CHAF1A: variants seen among roughly 807,000 people sequenced by gnomAD.
CHAF1A encodes the protein chromatin assembly factor 1 subunit A, also known as CAF-1 subunit A.
In CHAF1A, 5 loss-of-function variants were observed where a neutral mutation model predicts 93.2. The ratio of observed to expected loss-of-function variants is 0.05; its 90% confidence interval spans 0.03 to 0.11. CHAF1A has a LOEUF of 0.11. CHAF1A is among the 10% of genes least tolerant of loss of function. CHAF1A has a pLI of 1.00. For synonymous variants in CHAF1A, 504 were observed against 510.3 expected (o/e 0.99, Z 0.17); for missense variants, 1,102 against 1,259.9 (o/e 0.87, Z 1.90).
downstream of CHAF1A, chr19:4,446,924 G>T (rs371480940): frequency 6.2e-7 from 1 of 1,613,546 alleles, no homozygotes; most frequent in Non-Finnish European, 8.5e-7. Context: ...TGCGCTCCTG[G>T]GGGTGGAGAT....
chr19:4,429,870 GC>G, intron 10 of CHAF1A, 82 bp downstream of exon 10: 1 of 1,241,476 alleles, frequency 8.1e-7, no homozygotes, highest in Non-Finnish European at 1.1e-6. Context: ...TAAGGATGCA[GC>G]CCAGCTGTGT....
At position 4,432,029 on chromosome 19, in the gene CHAF1A, G is replaced by A. The variant is rs1328289024; in HGVS notation, c.2025G>A (p.Gly675=). 1 of 1,614,062 alleles carries A rather than the reference G, an allele frequency of 6.2e-7. No homozygotes were observed. The highest frequency in any genetic ancestry group is 8.5e-7 in the Non-Finnish European group (1 of 1,180,038). The change falls in exon 12 of 15, where the codon GGG becomes GGA. Residue 675 remains glycine, a synonymous_variant. Transcript: ENST00000301280. ...AGTGGGACGAGTTCCTGGCTAAGGG[G>A]AAGCGCTTTCGCGTCCTGCAACCTG... is the stretch of plus-strand genomic sequence containing the variant. ...AKEWDEFLAK[G]KRFRVLQPVK... is the part of the protein sequence containing the mutation.
Position 4,429,479 on chromosome 19 carries a change from C to A in CHAF1A, c.1646C>A (p.Pro549His), listed in dbSNP as rs759946376. ...IVERGKGDGV[P>H]ERRKFGRMKL... Reference sequence around the variant, plus strand: ...GAGCGTGGGAAGGGCGACGGTGTTCCCGAGAGGAGGAAGTTTGGCAGGATG... The same window carrying A: ...GAGCGTGGGAAGGGCGACGGTGTTCACGAGAGGAGGAAGTTTGGCAGGATG... The change falls in exon 9 of 15, where the codon CCC (proline) becomes CAC (histidine). Residue 549 changes from proline to histidine, a missense_variant. Pro to His is a moderately conservative substitution (Grantham distance 77). Around this residue, in one of 6 missense-constraint regions of CHAF1A, gnomAD observed 335 missense variants for 361.9 expected, o/e 0.93. Transcript: ENST00000301280. 1 of 1,613,912 alleles carries A rather than the reference C, an allele frequency of 6.2e-7. No homozygotes were observed. Among genetic ancestry groups the A allele is most frequent in the East Asian group, 2.2e-5 (1 of 44,860 alleles).
chr19:4,410,338 C>G (rs1973771609), intron 3 of CHAF1A, among the ~76,000 whole-genome samples: 1 of 150,346 alleles, frequency 6.7e-6, no homozygotes, highest in African/African-American at 2.4e-5. Flanking sequence ...AAGATCACTT[C>G]AAAACCAACC....
Position 4,429,521 on chromosome 19 carries a change from G to C in CHAF1A, c.1688G>C (p.Cys563Ser). ...KFGRMKLLQF[C>S]ENHRPAYWGT... ...GGCAGGATGAAGCTCCTGCAGTTCT[G>C]TGAGAACCACCGGCCTGCCTACTGG... is the stretch of plus-strand genomic sequence containing the variant. Residue 563 changes from cysteine (C) to serine (S), a missense_variant, in exon 9 of 15, where the codon TGT becomes TCT. Cys to Ser is a moderately radical substitution (Grantham distance 112). This residue lies in a region of CHAF1A where 335 missense variants were observed against 361.9 expected (regional missense o/e 0.93). Transcript: ENST00000301280. The C allele has an allele frequency of 6.2e-7, 1 of 1,614,014 alleles. No individual in the cohort carries two copies. The highest frequency in any genetic ancestry group is 1.1e-5 in the South Asian group (1 of 91,054).
chr19:4,446,237 C>T (rs1275586864), downstream of CHAF1A: 4 of 1,572,714 alleles, frequency 2.5e-6, no homozygotes, highest in Admixed American at 1.8e-5. Flanking sequence ...GGCCCAGGGC[C>T]CCCTACCAAC....
intron 7 of CHAF1A, 29 bp downstream of exon 7, chr19:4,423,903 G>A (rs375812385): frequency 6.2e-7 from 1 of 1,603,142 alleles, no homozygotes; most frequent in African/African-American, 1.3e-5. Context: ...TTGCTTTTGG[G>A]TTTCAGCTCT....
intron 3 of CHAF1A, among the ~76,000 whole-genome samples, chr19:4,416,661 G>A (rs924789096): frequency 4.3e-4 from 65 of 152,020 alleles, no homozygotes; most frequent in Admixed American, 3.3e-4. Flanking sequence ...GAGGCGAGGC[G>A]GGTGGATCAC....
intron 1 of CHAF1A, among the ~76,000 whole-genome samples, chr19:4,403,231 G>GT (rs58164629): frequency 0.33 from 49,984 of 151,980 alleles, 8,686 homozygotes; most frequent in East Asian, 0.59. Context: ...TCGGGGACCA[G>GT]TACCGATGCC....
downstream of CHAF1A, among the ~76,000 whole-genome samples, chr19:4,444,307 C>G (rs374895392): frequency 6.6e-6 from 1 of 152,134 alleles, no homozygotes; most frequent in Non-Finnish European, 1.5e-5. Context: ...GCAGTGGGGC[C>G]GGGGCACACA....
At chr19:4,428,119 A>C (rs1196651655) in intron 7 of CHAF1A, among the ~76,000 whole-genome samples, 2 of 150,374 alleles carry the variant, frequency 1.3e-5, no homozygotes, top group Non-Finnish European at 3.0e-5. Flanking sequence ...CCGCCTCCCA[A>C]AATGGTGGGA....
At chr19:4,437,677 G>A (rs1974309968) in intron 13 of CHAF1A, among the ~76,000 whole-genome samples, 1 of 152,074 alleles carries the variant, frequency 6.6e-6, no homozygotes, top group Admixed American at 6.6e-5. Context: ...TGCAAGTGGT[G>A]TACATCCATA....
chr19:4,423,955 G>A, intron 7 of CHAF1A, 81 bp downstream of exon 7: 1 of 1,360,092 alleles, frequency 7.4e-7, no homozygotes, highest in African/African-American at 1.4e-5. Context: ...TCTCTCCCCA[G>A]CCAGCTTCTC....
intron 8 of CHAF1A, 155 bp from the exon 9 acceptor site, chr19:4,429,283 G>A (rs770800005): frequency 5.6e-5 from 48 of 850,244 alleles, no homozygotes; most frequent in Non-Finnish European, 8.1e-5. Flanking sequence ...TTCAGTCCAT[G>A]TTCCTGACCT....
intron 13 of CHAF1A, among the ~76,000 whole-genome samples, chr19:4,441,375 T>C (rs546132973): frequency 1.1e-3 from 161 of 151,908 alleles, no homozygotes; most frequent in African/African-American, 3.5e-3. Flanking sequence ...TTTGGGAGGC[T>C]GAGGTGGGTA....
chr19:4,446,603 G>A (rs1185478667), downstream of CHAF1A: 1 of 1,612,556 alleles, frequency 6.2e-7, no homozygotes, highest in Non-Finnish European at 8.5e-7. Flanking sequence ...ACGCGGCGCT[G>A]CCTGTCCAGC....
At chr19:4,437,482 G>T (rs1238605431) in intron 13 of CHAF1A, among the ~76,000 whole-genome samples, 1 of 152,106 alleles carries the variant, frequency 6.6e-6, no homozygotes, top group Non-Finnish European at 1.5e-5. Flanking sequence ...CTAAGGAGCT[G>T]GGAGTATAGA....
At chr19:4,445,040 T>A (rs532831103), downstream of CHAF1A, 2 of 164,558 alleles carry the variant, frequency 1.2e-5, no homozygotes, top group African/African-American at 4.8e-5. Context: ...GGGCTTATGA[T>A]TTACTAACTG....
At chr19:4,402,858 C>T (rs929520912) in intron 1 of CHAF1A, 44 bp downstream of exon 1, 2 of 1,141,724 alleles carry the variant, frequency 1.8e-6, no homozygotes, top group Non-Finnish European at 1.1e-6. Flanking sequence ...GCGCGGCGCG[C>T]GGCCTGGACG....
Sources: allele counts gnomAD v4.1 joint callset (sites outside exome capture counted in the v4.1 genomes callset), GRCh38; gene constraint gnomAD v4.1.1; regional missense constraint gnomAD v4.1.1; transcripts MANE v1.5; gene names NCBI Gene and HGNC (gene_info 2026-07-23, HGNC 2026-07-21).